The following DAB1 variants were observed in gnomAD, a reference collection of about 807,000 sequenced individuals.
DAB1 encodes disabled homolog 1.
A neutral mutation model predicts 64.6 loss-of-function variants in DAB1; 15 were observed. The ratio of observed to expected loss-of-function variants is 0.23; its 90% confidence interval spans 0.16 to 0.36. The LOEUF (loss-of-function observed/expected upper bound fraction) is 0.36. Among genes scored for constraint, DAB1 ranks in the 10% least tolerant of loss-of-function variants. The pLI is 1.00. For synonymous variants in DAB1, 235 were observed against 251.9 expected, an observed-to-expected ratio of 0.93 and a Z score of 0.64; for missense variants, 596 against 706.7, an observed-to-expected ratio of 0.84 and a Z score of 1.78.
chr1:57,102,695 A>G (rs1452906320), intron 4 of DAB1, among the ~76,000 whole-genome samples: 1 of 152,204 alleles, frequency 6.6e-6, no homozygotes, highest in African/African-American at 2.4e-5. Flanking sequence ...AATGACACAA[A>G]GTATAGGATA....
chr1:57,536,411 C>T (rs186083111), intron 7 of DAB1, among the ~76,000 whole-genome samples: 5 of 152,308 alleles, frequency 3.3e-5, no homozygotes, highest in Admixed American at 1.3e-4. Context: ...AGTGATGCTT[C>T]TGAGGACCTT....
At chr1:57,734,208 G>A (rs1055206182) in intron 6 of DAB1, among the ~76,000 whole-genome samples, 1 of 152,176 alleles carries the variant, frequency 6.6e-6, no homozygotes, top group African/African-American at 2.4e-5. Context: ...GGGCAACTGA[G>A]TCACCTCACT....
chr1:57,720,612 T>A (rs969634492), intron 6 of DAB1, among the ~76,000 whole-genome samples: 1 of 152,212 alleles, frequency 6.6e-6, no homozygotes, highest in Non-Finnish European at 1.5e-5. Context: ...ATCTGTAAAA[T>A]GGGGATATCA....
intron 1 of DAB1, among the ~76,000 whole-genome samples, chr1:57,843,794 G>A (rs1653157301): frequency 6.6e-6 from 1 of 152,100 alleles, no homozygotes. Flanking sequence ...TGCACACCTG[G>A]GCTCTGGGAT....
intron 6 of DAB1, among the ~76,000 whole-genome samples, chr1:57,668,688 CAAATGAAATAAAAG>C (rs1646476182): frequency 6.6e-6 from 1 of 151,994 alleles, no homozygotes; most frequent in Non-Finnish European, 1.5e-5. Flanking sequence ...AAACTTGAAT[CAAATGAAATAAAAG>C]TTAAGACAAA....
intron 1 of DAB1, among the ~76,000 whole-genome samples, chr1:57,840,044 G>A (rs1652979582): frequency 2.0e-5 from 3 of 152,192 alleles, no homozygotes; most frequent in Admixed American, 2.0e-4. Context: ...TGGCCTTTGA[G>A]TCTTTATTCA....
chr1:58,059,964 G>A (rs79986695), intron 5 of DAB1, among the ~76,000 whole-genome samples: 1,695 of 152,232 alleles, frequency 0.011, 36 homozygotes, highest in African/African-American at 0.038. Flanking sequence ...GGGAGCTCCC[G>A]GGAAGGCAGC....
At chr1:58,284,577 C>T (rs889806050) in intron 4 of DAB1, among the ~76,000 whole-genome samples, 1 of 152,284 alleles carries the variant, frequency 6.6e-6, no homozygotes, top group Non-Finnish European at 1.5e-5. Context: ...GCCCAGGCCT[C>T]TGACCACAGG....
At chr1:57,085,484 G>A (rs1652979228) in intron 4 of DAB1, among the ~76,000 whole-genome samples, 1 of 152,242 alleles carries the variant, frequency 6.6e-6, no homozygotes, top group Non-Finnish European at 1.5e-5. Context: ...TCTAGTAATG[G>A]GGCATCTGCC....
chr1:57,090,895 T>A (rs1653599676), intron 4 of DAB1, among the ~76,000 whole-genome samples: 1 of 151,838 alleles, frequency 6.6e-6, no homozygotes, highest in Non-Finnish European at 1.5e-5. Flanking sequence ...AGCATTAGAG[T>A]CTCATAGGAG....
At chr1:57,988,647 C>A (rs1446808269) in intron 5 of DAB1, among the ~76,000 whole-genome samples, 1 of 152,072 alleles carries the variant, frequency 6.6e-6, no homozygotes, top group Non-Finnish European at 1.5e-5. Context: ...TTAAGCACAG[C>A]CAGTGCTGAC....
intron 5 of DAB1, among the ~76,000 whole-genome samples, chr1:58,149,801 T>C (rs1413077720): frequency 6.6e-6 from 1 of 152,188 alleles, no homozygotes; most frequent in Non-Finnish European, 1.5e-5. Context: ...AGCCTTTCAC[T>C]GATAAATATG....
intron 9 of DAB1, among the ~76,000 whole-genome samples, chr1:57,045,603 C>T (rs1417024094): frequency 6.6e-6 from 1 of 152,086 alleles, no homozygotes; most frequent in Non-Finnish European, 1.5e-5. Flanking sequence ...GAGACTGAGG[C>T]AGGAGAATCA....
intron 7 of DAB1, among the ~76,000 whole-genome samples, chr1:57,584,898 C>T (rs1645358819): frequency 1.3e-5 from 2 of 150,024 alleles, no homozygotes; most frequent in South Asian, 4.3e-4. Context: ...ATCACATTTC[C>T]TCATCTACTT....
intron 5 of DAB1, among the ~76,000 whole-genome samples, chr1:57,931,895 CTTTAAT>C (rs1644958385): frequency 6.6e-6 from 1 of 151,932 alleles, no homozygotes; most frequent in Non-Finnish European, 1.5e-5. Flanking sequence ...CTTAATTTGG[CTTTAAT>C]TTTATTTCCC....
At chr1:58,098,963 C>T (rs563166625) in intron 5 of DAB1, among the ~76,000 whole-genome samples, 1 of 152,236 alleles carries the variant, frequency 6.6e-6, no homozygotes, top group African/African-American at 2.4e-5. Context: ...TGGCACAGAG[C>T]CAGGTGGAGA....
At chr1:57,946,374 T>C (rs1645183999) in intron 5 of DAB1, among the ~76,000 whole-genome samples, 1 of 152,220 alleles carries the variant, frequency 6.6e-6, no homozygotes, top group South Asian at 2.1e-4. Context: ...CCCAAACCCC[T>C]GACTGCTTGT....
chr1:57,901,013 CTTT>C (rs202058637), intron 5 of DAB1, among the ~76,000 whole-genome samples: 26,311 of 152,024 alleles, frequency 0.17, 2,683 homozygotes, highest in Admixed American at 0.27. Flanking sequence ...TTACAAAGTA[CTTT>C]TACATATGTT....
At chr1:57,176,553 G>C (rs556160829) in intron 2 of DAB1, among the ~76,000 whole-genome samples, 1 of 152,060 alleles carries the variant, frequency 6.6e-6, no homozygotes, top group African/African-American at 2.4e-5. Flanking sequence ...CAGCCAAACT[G>C]AATCATATAT....
Sources: gnomAD v4.1 joint callset for allele counts (sites outside exome capture counted in the v4.1 genomes callset) on GRCh38, gnomAD v4.1.1 for gene constraint, MANE v1.5 for transcripts, NCBI Gene and HGNC (gene_info 2026-07-23, HGNC 2026-07-21) for gene names.